GMDS: variants seen among roughly 807,000 people sequenced by gnomAD.
GMDS encodes the protein GDP-mannose 4,6 dehydratase.
GMDS carries 20 observed loss-of-function variants against 49.9 expected under a neutral mutation model. The ratio of observed to expected loss-of-function variants is 0.40; its 90% CI spans 0.28 to 0.58. The LOEUF (loss-of-function observed/expected upper bound fraction) is 0.58, where lower values mean the gene tolerates loss of function less well. Among genes scored for constraint, GMDS ranks in the 20% least tolerant of loss-of-function variants. The pLI, the probability that GMDS is intolerant of heterozygous loss-of-function variation, is 0.42. For missense variants in GMDS, 362 were observed against 481.4 expected, an observed-to-expected ratio of 0.75 and a Z score of 2.32; for synonymous variants, 177 against 178.6, an observed-to-expected ratio of 0.99 and a Z score of 0.07.
At chr6:1,674,558 C>CTATTT (rs1561718294) in intron 9 of GMDS, among the ~76,000 whole-genome samples, 1 of 71,426 alleles carries the variant, frequency 1.4e-5, no homozygotes, top group Admixed American at 1.9e-4. Context: ...CTCTCTCTCT[C>CTATTT]TCTTTTTTTT....
intron 7 of GMDS, among the ~76,000 whole-genome samples, chr6:1,917,920 G>A (rs561454962): frequency 6.6e-6 from 1 of 152,332 alleles, no homozygotes; most frequent in African/African-American, 2.4e-5. Flanking sequence ...CGACCAGGGA[G>A]GAAATGAAAT....
chr6:1,918,570 G>C (rs1003968500), intron 7 of GMDS, among the ~76,000 whole-genome samples: 1 of 151,224 alleles, frequency 6.6e-6, no homozygotes, highest in South Asian at 2.1e-4. Flanking sequence ...ACATAGGGAG[G>C]CCTCATCTCT....
chr6:1,634,509 CTCTG>C (rs951047827), intron 9 of GMDS, among the ~76,000 whole-genome samples: 4 of 152,108 alleles, frequency 2.6e-5, no homozygotes, highest in Non-Finnish European at 5.9e-5. Flanking sequence ...ATGTGTTTTT[CTCTG>C]TCTCTCTCTG....
chr6:1,752,525 A>C (rs978659314), intron 7 of GMDS, among the ~76,000 whole-genome samples: 1 of 152,192 alleles, frequency 6.6e-6, no homozygotes, highest in African/African-American at 2.4e-5. Flanking sequence ...AAATTCAGGA[A>C]ATAAAGAGAA....
chr6:1,752,448 T>C (rs188936409), intron 7 of GMDS, among the ~76,000 whole-genome samples: 16 of 151,154 alleles, frequency 1.1e-4, no homozygotes, highest in African/African-American at 3.4e-4. Context: ...TGGAACCAAG[T>C]TGGAAAACAC....
chr6:1,847,723 G>A (rs1197563496), intron 7 of GMDS, among the ~76,000 whole-genome samples: 1 of 152,130 alleles, frequency 6.6e-6, no homozygotes, highest in African/African-American at 2.4e-5. Context: ...TTACAACCTT[G>A]GAGTCATTCT....
At chr6:1,753,005 T>C (rs985599300) in intron 7 of GMDS, among the ~76,000 whole-genome samples, 1 of 152,176 alleles carries the variant, frequency 6.6e-6, no homozygotes, top group Non-Finnish European at 1.5e-5. Flanking sequence ...GCTAGCATCA[T>C]AATGACAGGA....
chr6:1,963,841 T>C (rs1411071269), intron 4 of GMDS, among the ~76,000 whole-genome samples: 1 of 152,182 alleles, frequency 6.6e-6, no homozygotes, highest in Non-Finnish European at 1.5e-5. Flanking sequence ...GCCACAACTG[T>C]AATTTATTTG....
At chr6:1,871,731 T>C (rs772534490) in intron 7 of GMDS, among the ~76,000 whole-genome samples, 14 of 152,244 alleles carry the variant, frequency 9.2e-5, no homozygotes, top group Admixed American at 2.0e-4. Flanking sequence ...CCAATTATGA[T>C]GTATTCTTGT....
At chr6:1,652,385 ATATATAT>A (rs1431739415) in intron 9 of GMDS, among the ~76,000 whole-genome samples, 1 of 6,336 alleles carries the variant, frequency 1.6e-4, no homozygotes, top group African/African-American at 3.8e-4. Context: ...AAAAAAATAT[ATATATAT>A]TATATATATA....
intron 4 of GMDS, among the ~76,000 whole-genome samples, chr6:1,968,970 A>G (rs1388304416): frequency 2.6e-5 from 4 of 152,022 alleles, no homozygotes; most frequent in African/African-American, 4.8e-5. Flanking sequence ...TCATTTATTT[A>G]TAAGAAATTG....
At chr6:1,646,063 C>T (rs968245205) in intron 9 of GMDS, among the ~76,000 whole-genome samples, 1 of 152,166 alleles carries the variant, frequency 6.6e-6, no homozygotes, top group African/African-American at 2.4e-5. Context: ...CAATGTATCT[C>T]CCCCCAACTA....
At chr6:1,931,885 C>A (rs1762302214) in intron 6 of GMDS, among the ~76,000 whole-genome samples, 1 of 152,164 alleles carries the variant, frequency 6.6e-6, no homozygotes, top group South Asian at 2.1e-4. Context: ...ACGCACCCAC[C>A]AATCACTAAG....
intron 7 of GMDS, among the ~76,000 whole-genome samples, chr6:1,841,343 A>G (rs1757144285): frequency 6.6e-6 from 1 of 152,204 alleles, no homozygotes; most frequent in East Asian, 1.9e-4. Flanking sequence ...GGTTGGCTTA[A>G]GCATATTTTA....
chr6:2,222,287 G>A (rs996270725), intron 1 of GMDS, among the ~76,000 whole-genome samples: 6 of 152,172 alleles, frequency 3.9e-5, no homozygotes, highest in Admixed American at 2.0e-4. Context: ...TTCCCTAGGC[G>A]TCTAAAATGC....
At chr6:1,987,453 C>T (rs1350532811) in intron 4 of GMDS, among the ~76,000 whole-genome samples, 1 of 152,134 alleles carries the variant, frequency 6.6e-6, no homozygotes, top group African/African-American at 2.4e-5. Context: ...ACTTGACAGT[C>T]GTATTTTTGT....
At chr6:2,061,097 G>A (rs1581590459) in intron 4 of GMDS, among the ~76,000 whole-genome samples, 1 of 152,244 alleles carries the variant, frequency 6.6e-6, no homozygotes, top group South Asian at 2.1e-4. Context: ...AGAAGGCCGT[G>A]AGGCAGGAGC....
chr6:1,953,918 A>C (rs1219329656), intron 6 of GMDS, among the ~76,000 whole-genome samples: 2 of 152,334 alleles, frequency 1.3e-5, no homozygotes, highest in East Asian at 3.9e-4. Context: ...AGTTTTTCAA[A>C]GAAATGTAAT....
intron 9 of GMDS, among the ~76,000 whole-genome samples, chr6:1,646,902 T>C (rs75546663): frequency 0.015 from 2,239 of 152,190 alleles, 22 homozygotes; most frequent in Non-Finnish European, 0.025. Context: ...GGGAGGTTAG[T>C]TCAAAAGCCA....
Sources: gnomAD v4.1 joint callset for allele counts (sites outside exome capture counted in the v4.1 genomes callset) on GRCh38, gnomAD v4.1.1 for gene constraint, MANE v1.5 for transcripts, NCBI Gene and HGNC (gene_info 2026-07-23, HGNC 2026-07-21) for gene names.